Variants in SPEF2 observed in about 807,000 individuals in gnomAD.
SPEF2 encodes the protein sperm flagellar and cilia associated 2.
A neutral mutation model predicts 224.6 loss-of-function variants in SPEF2; 187 were observed. The observed-to-expected ratio is 0.83, with a 90% CI of 0.74 to 0.94. SPEF2 has a LOEUF of 0.94. Among genes scored for constraint, SPEF2 ranks in the 40% least tolerant of loss-of-function variants. The pLI, the probability that SPEF2 is intolerant of heterozygous loss-of-function variation, is 0.00. For synonymous variants in SPEF2, 715 were observed against 707.3 expected (o/e 1.01, Z -0.17); for missense variants, 2,170 against 2,135.6 (o/e 1.02, Z -0.32).
intron 21 of SPEF2, among the ~76,000 whole-genome samples, chr5:35,728,521 C>G (rs913237813): frequency 6.6e-6 from 1 of 152,188 alleles, no homozygotes; most frequent in African/African-American, 2.4e-5. Context: ...ATCTCTTATT[C>G]TGATGAACTC....
chr5:35,766,925 C>T lies in SPEF2; in HGVS notation c.3801+3223C>T, dbSNP rs201176096. Among the ~76,000 whole-genome samples, 7 of 151,860 alleles carry T rather than the reference C, an allele frequency of 4.6e-5. No homozygotes were observed. In the East Asian group the frequency reaches 1.4e-3, roughly 29 times the overall value. ...GCTTGATTACATTTTATTCATGGAA[C>T]ATATTCTCATAAAAGTTTTTGAAGT... On this transcript the variant is annotated intron_variant, in intron 26 of 36. Coordinates refer to ENST00000356031, the MANE Select transcript of SPEF2 (RefSeq NM_024867.4).
intron 26 of SPEF2, among the ~76,000 whole-genome samples, chr5:35,769,246 CT>C (rs1752471323): frequency 6.6e-6 from 1 of 151,990 alleles, no homozygotes; most frequent in Admixed American, 6.6e-5. Flanking sequence ...ACTTACAGTG[CT>C]TTGCAGGAAC....
intron 24 of SPEF2, among the ~76,000 whole-genome samples, chr5:35,759,115 GTTTT>G (rs60030399): frequency 1.3e-5 from 2 of 148,434 alleles, no homozygotes; most frequent in African/African-American, 2.5e-5. Context: ...AGAACCCAGT[GTTTT>G]TTTTTGTATT....
At chr5:35,802,487 A>C (rs928561634) in intron 34 of SPEF2, among the ~76,000 whole-genome samples, 10 of 152,148 alleles carry the variant, frequency 6.6e-5, no homozygotes, top group Non-Finnish European at 1.2e-4. Context: ...ACAAATAAGC[A>C]AAACAGAGAC....
chr5:35,621,900 G>T (rs1743572830), intron 1 of SPEF2, among the ~76,000 whole-genome samples: 1 of 152,090 alleles, frequency 6.6e-6, no homozygotes, highest in Non-Finnish European at 1.5e-5. Flanking sequence ...CAGAATTCCT[G>T]CCCCTCTGGC....
intron 14 of SPEF2, among the ~76,000 whole-genome samples, chr5:35,696,110 C>T (rs1418448076): frequency 2.6e-5 from 4 of 152,132 alleles, no homozygotes; most frequent in East Asian, 1.9e-4. Flanking sequence ...CGCTCATACC[C>T]TCTTTACCTT....
intron 1 of SPEF2, among the ~76,000 whole-genome samples, chr5:35,619,074 T>G (rs764855447): frequency 2.6e-5 from 4 of 152,154 alleles, no homozygotes; most frequent in Non-Finnish European, 4.4e-5. Flanking sequence ...ATGAGGATCT[T>G]TAGCACGGAG....
intron 26 of SPEF2, among the ~76,000 whole-genome samples, chr5:35,766,760 A>G (rs918717571): frequency 1.3e-5 from 2 of 151,822 alleles, no homozygotes. Flanking sequence ...TTTTTCTAAC[A>G]TACACATTTG....
At chr5:35,727,934 A>G (rs1744957196) in intron 21 of SPEF2, 111 bp downstream of exon 21, 2 of 1,132,436 alleles carry the variant, frequency 1.8e-6, no homozygotes, top group South Asian at 1.7e-5. Flanking sequence ...GGTAATATAT[A>G]TCTATCCATC....
Position 35,663,921 on chromosome 5 carries a change from C to T in SPEF2, c.1168-3151C>T, listed in dbSNP as rs1311976650. Among the ~76,000 whole-genome samples, 5 of 152,132 alleles carry T rather than the reference C, an allele frequency of 3.3e-5. No individual in the cohort carries two copies. The East Asian group carries it at 7.7e-4, about 24-fold the overall frequency. ...GGCACAGGAAACTTTGGGGAGGCTG[C>T]TCCAGCCTTTGTTGGTCTTCCATAT... On this transcript the variant is annotated intron_variant, in intron 8 of 36. Transcript: ENST00000356031.
intron 23 of SPEF2, among the ~76,000 whole-genome samples, chr5:35,752,176 G>A (rs1164152021): frequency 6.6e-6 from 1 of 152,170 alleles, no homozygotes; most frequent in Non-Finnish European, 1.5e-5. Flanking sequence ...CTCCTGCTGT[G>A]TGGCCCAGTT....
chr5:35,770,663 G>T (rs74293088), intron 26 of SPEF2, among the ~76,000 whole-genome samples: 1 of 152,042 alleles, frequency 6.6e-6, no homozygotes, highest in Non-Finnish European at 1.5e-5. Flanking sequence ...CTCCAGGTTC[G>T]TCTGTGTTGT....
Position 35,695,803 on chromosome 5 carries a change from A to C in SPEF2, c.2037+7A>C, listed in dbSNP as rs752481078. 6.3e-7 allele frequency: 1 copy of C among 1,594,704 alleles called. No homozygotes were observed. The highest frequency in any genetic ancestry group is 1.7e-5 in the Admixed American group (1 of 58,700). On this transcript the variant is annotated splice_region_variant and intron_variant, in intron 14 of 36. Coordinates refer to ENST00000356031, the MANE Select transcript of SPEF2 (RefSeq NM_024867.4). ...AAGTGATAGTTTCTTAAAAGTAAGT[A>C]TTATGATCTAATTTTAGCTACTAAC...
At chr5:35,644,630 A>C (rs571319081) in intron 4 of SPEF2, 105 bp downstream of exon 4, 2 of 842,692 alleles carry the variant, frequency 2.4e-6, no homozygotes, top group African/African-American at 3.5e-5. Context: ...CACAAGTTGC[A>C]CTTCCCTGAT....
intron 8 of SPEF2, among the ~76,000 whole-genome samples, chr5:35,660,147 A>G (rs1283363233): frequency 2.0e-5 from 3 of 152,140 alleles, no homozygotes; most frequent in African/African-American, 7.2e-5. Context: ...AACTTTATGT[A>G]TATGTGAGTT....
intron 30 of SPEF2, chr5:35,789,793 G>C: frequency 4.3e-6 from 3 of 701,928 alleles, no homozygotes; most frequent in South Asian, 1.5e-5. Flanking sequence ...TTGGCATCTT[G>C]ATTATAGAAT....
At chr5:35,648,682 T>A (rs1747752374) in intron 5 of SPEF2, among the ~76,000 whole-genome samples, 1 of 152,112 alleles carries the variant, frequency 6.6e-6, no homozygotes, top group Admixed American at 6.5e-5. Flanking sequence ...AAAGTTAAAC[T>A]TCAGATAACT....
At chr5:35,690,250 A>C (rs867279904) in intron 10 of SPEF2, among the ~76,000 whole-genome samples, 2 of 152,172 alleles carry the variant, frequency 1.3e-5, no homozygotes, top group African/African-American at 2.4e-5. Context: ...CTATTTTGAA[A>C]TATTCAGTAG....
chr5:35,761,913 G>A (rs1751340603), intron 25 of SPEF2, among the ~76,000 whole-genome samples: 1 of 152,038 alleles, frequency 6.6e-6, no homozygotes, highest in South Asian at 2.1e-4. Flanking sequence ...CACAGCTTTG[G>A]GTACCTACTG....
Sources: gnomAD v4.1 joint callset for allele counts (sites outside exome capture counted in the v4.1 genomes callset) on GRCh38, gnomAD v4.1.1 for gene constraint, MANE v1.5 for transcripts, NCBI Gene and HGNC (gene_info 2026-07-23, HGNC 2026-07-21) for gene names.